ADGRL4: variants seen among roughly 807,000 people sequenced by gnomAD.
The protein encoded by ADGRL4 is EGF, latrophilin and seven transmembrane domain containing 1.
ADGRL4 carries 90 observed loss-of-function variants against 74.8 expected under a neutral mutation model. The ratio of observed to expected loss-of-function variants is 1.20; its 90% confidence interval spans 1.02 to 1.43. The LOEUF is 1.43. Ranked by LOEUF, ADGRL4 falls within the 40% of genes most tolerant of loss-of-function variation. The pLI is 0.00. For synonymous variants in ADGRL4, 311 were observed against 279.2 expected (o/e 1.11, Z -1.14); for missense variants, 881 against 814.3 (o/e 1.08, Z -1.00).
At chr1:78,910,249 G>A (rs984613333) in intron 12 of ADGRL4, among the ~76,000 whole-genome samples, 1 of 151,740 alleles carries the variant, frequency 6.6e-6, no homozygotes, top group South Asian at 2.1e-4. Flanking sequence ...TCTAAATGTG[G>A]CCCATCTTGT....
At chr1:78,912,256 A>G (rs925486358) in intron 12 of ADGRL4, among the ~76,000 whole-genome samples, 6 of 151,930 alleles carry the variant, frequency 3.9e-5, no homozygotes, top group African/African-American at 1.4e-4. Context: ...TAAAATTTGA[A>G]TCCCTTCATC....
intron 2 of ADGRL4, among the ~76,000 whole-genome samples, chr1:78,966,310 T>G (rs1169655196): frequency 1.3e-5 from 2 of 152,140 alleles, no homozygotes; most frequent in African/African-American, 4.8e-5. Flanking sequence ...CCTGTTTTCC[T>G]TTTTCCTTTT....
chr1:78,922,313 C>A (rs1649017732), intron 8 of ADGRL4, among the ~76,000 whole-genome samples: 1 of 151,934 alleles, frequency 6.6e-6, no homozygotes, highest in Admixed American at 6.6e-5. Flanking sequence ...GGGTGTCCAA[C>A]AGACTTGGGA....
intron 6 of ADGRL4, 106 bp from the exon 7 acceptor site, chr1:78,936,517 ATTAT>A (rs1486015525): frequency 4.3e-5 from 44 of 1,022,814 alleles, no homozygotes; most frequent in Middle Eastern, 3.4e-4. Flanking sequence ...TGTGTTTTAA[ATTAT>A]TTATAACAAG....
rs1477383699 is a variant in ADGRL4, at chr1:78,904,059, A to G, written c.1750-10870T>C. ...ACTAAAATAATACATGGAACATAAT[A>G]TAATAACCCATGAAGTAAGACATGG... On this transcript the variant is annotated intron_variant, in intron 12 of 14. Transcript: ENST00000370742. Among the ~76,000 whole-genome samples, 4 of 151,800 alleles carry G rather than the reference A, an allele frequency of 2.6e-5. No homozygotes were observed. The South Asian group carries it at 8.3e-4, about 31-fold the overall frequency.
At chr1:78,978,542 A>AT (rs200801297) in intron 2 of ADGRL4, among the ~76,000 whole-genome samples, 2,279 of 151,826 alleles carry the variant, frequency 0.015, 60 homozygotes, top group African/African-American at 0.053. Context: ...TTATATCATC[A>AT]TTTTTCTCAT....
intron 12 of ADGRL4, among the ~76,000 whole-genome samples, chr1:78,909,095 G>A (rs1648704278): frequency 6.6e-6 from 1 of 151,892 alleles, no homozygotes; most frequent in African/African-American, 2.4e-5. Context: ...AAAGGTTAGA[G>A]TATTAAAGTG....
chr1:78,966,883 C>A (rs1329308111), intron 2 of ADGRL4, among the ~76,000 whole-genome samples: 3 of 82,924 alleles, frequency 3.6e-5, no homozygotes, highest in Admixed American at 3.5e-4. Flanking sequence ...TTTTTTTTTT[C>A]ATTTAGAAGA....
rs550923308 is a variant in ADGRL4, at chr1:78,936,017, G to A, written c.877+278C>T. Among the ~76,000 whole-genome samples, 391 of 76,936 alleles carry A rather than the reference G, an allele frequency of 5.1e-3. 108 individuals carry two copies. The highest frequency in any genetic ancestry group is 0.015 in the African/African-American group (364 of 24,294). The allele number at this position is 76,936 out of a possible 152,430, so 50.5% of individuals were successfully genotyped here. ...CGGGCGCCTGTAGTCCCAGCTACTC[G>A]GGAGGCTGAGGCAGGAGAATGGCGT... On this transcript the variant is annotated intron_variant, in intron 7 of 14. Transcript: ENST00000370742.
At position 78,891,665 on chromosome 1, in the gene ADGRL4, A is replaced by G; in HGVS notation, c.1869T>C (p.Leu623=). The part of the protein sequence containing the change: ...IRSCARGALA[L]LFLLGTTWIF... The stretch of plus-strand genomic sequence containing the variant: ...TCCAGGTGGTGCCGAGAAGGAACAG[A>G]AGAGCGAGGGCTCCTCTTGCACAAG... Residue 623 remains leucine, a synonymous_variant, in exon 14 of 15, where the codon CTT becomes CTC. Transcript: ENST00000370742. 1.2e-6 allele frequency: 2 copies of G among 1,612,952 alleles called. No individual in the cohort carries two copies. Among genetic ancestry groups the G allele is most frequent in the South Asian group, 2.2e-5 (2 of 90,982 alleles).
chr1:79,006,239 C>T (rs995753016), intron 1 of ADGRL4, among the ~76,000 whole-genome samples: 5 of 152,124 alleles, frequency 3.3e-5, no homozygotes, highest in African/African-American at 1.2e-4. Context: ...AGTTCACCCT[C>T]GGAGATGTCA....
chr1:78,903,656 C>T (rs928912823), intron 12 of ADGRL4, among the ~76,000 whole-genome samples: 5 of 152,052 alleles, frequency 3.3e-5, no homozygotes, highest in Non-Finnish European at 7.4e-5. Context: ...GTACTATTGG[C>T]CGGGCGCGGT....
At chr1:78,994,216 T>A (rs1202091912) in intron 2 of ADGRL4, among the ~76,000 whole-genome samples, 1 of 152,218 alleles carries the variant, frequency 6.6e-6, no homozygotes, top group African/African-American at 2.4e-5. Flanking sequence ...AGTTTAATCA[T>A]TTATGCAAAT....
rs1650928239 is a variant in ADGRL4 at position 79,004,944 on chromosome 1, T to G, written c.172+126A>C. ...AACTTACTGTTTAGCTACTTACGCG[T>G]TTTTTAAATAGTATGAAATTAAACA... On this transcript the variant is annotated intron_variant, in intron 2 of 14. Transcript: ENST00000370742. 6.4e-6 allele frequency: 5 copies of G among 782,584 alleles called. No homozygotes were observed. In the South Asian group the frequency reaches 9.9e-5, roughly 16 times the overall value. 48.5% of individuals were successfully genotyped at this position (782,584 alleles called of 1,614,324 possible).
At chr1:78,938,300 A>G in intron 4 of ADGRL4, 21 bp from the exon 5 acceptor site, 1 of 1,537,374 alleles carries the variant, frequency 6.5e-7, no homozygotes, top group Non-Finnish European at 8.7e-7. Context: ...ATGAGTCCAG[A>G]AAAAGGAAAC....
chr1:78,909,697 A>G (rs1481397749), intron 12 of ADGRL4, among the ~76,000 whole-genome samples: 2 of 151,862 alleles, frequency 1.3e-5, no homozygotes, highest in African/African-American at 4.8e-5. Flanking sequence ...ACTCTCATAT[A>G]TTGTTGGTGA....
Position 78,917,958 on chromosome 1 carries a change from A to C in ADGRL4, c.1554T>G (p.Ile518Met), listed in dbSNP as rs1648913398. 2 of 1,612,346 alleles carry C rather than the reference A, an allele frequency of 1.2e-6. No homozygotes were observed. The highest frequency in any genetic ancestry group is 1.7e-6 in the Non-Finnish European group (2 of 1,179,098). ...CCTTGTTGTAGATGACACCCACAACAATGAGATAGAGATGTATGCCTTCAA... is the reference window on the plus strand; with the variant it reads ...CCTTGTTGTAGATGACACCCACAACCATGAGATAGAGATGTATGCCTTCAA... Reference protein sequence around the residue: ...MCIEGIHLYLIVVGVIYNKGF... With the variant: ...MCIEGIHLYLMVVGVIYNKGF... The change falls in exon 11 of 15, where the codon ATT becomes ATG. Residue 518 changes from isoleucine to methionine, a missense_variant. Transcript: ENST00000370742.
At chr1:78,920,496 C>A in intron 9 of ADGRL4, 110 bp from the exon 10 acceptor site, 2 of 678,656 alleles carry the variant, frequency 2.9e-6, no homozygotes, top group South Asian at 2.4e-5. Flanking sequence ...TCAAAATGTT[C>A]ATAAAATGTA....
chr1:78,908,060 G>A (rs1381896282), intron 12 of ADGRL4, among the ~76,000 whole-genome samples: 1 of 151,966 alleles, frequency 6.6e-6, no homozygotes, highest in African/African-American at 2.4e-5. Flanking sequence ...CTCAAAATTT[G>A]TAACTCATAT....
Sources: gnomAD v4.1 joint callset for allele counts (sites outside exome capture counted in the v4.1 genomes callset) on GRCh38, gnomAD v4.1.1 for gene constraint, MANE v1.5 for transcripts, NCBI Gene and HGNC (gene_info 2026-07-23, HGNC 2026-07-21) for gene names.